The following FAM210A variants were observed in gnomAD, a reference collection of about 807,000 sequenced individuals.
The protein encoded by FAM210A is mitochondrial inner membrane scaffold 1.
In FAM210A, 13 loss-of-function variants were observed where a neutral mutation model predicts 25.3. The ratio of observed to expected loss-of-function variants is 0.51; its 90% CI spans 0.33 to 0.82. The LOEUF (loss-of-function observed/expected upper bound fraction) is 0.82. FAM210A is among the 40% of genes least tolerant of loss of function. The pLI is 0.02. For synonymous variants in FAM210A, 125 were observed against 118.7 expected (o/e 1.05, Z -0.35); for missense variants, 319 against 323.2 (o/e 0.99, Z 0.10).
In FAM210A at chr18:13,666,449, AG is replaced by A. The variant is rs1405175924; in HGVS notation, c.*30del. 6.4e-7 allele frequency: 1 copy of A among 1,567,146 alleles called. No homozygotes were observed. Among genetic ancestry groups the A allele is most frequent in the African/African-American group, 1.4e-5 (1 of 73,622 alleles). On this transcript the variant is annotated 3_prime_UTR_variant, in exon 4 of 4. Transcript: ENST00000651643. ...CATAGTTTCCAAAGGGTTAAAGTGC[AG>A]GAATTTTCTATACTGCTATATAAGG...
chr18:13,677,610 G>C (rs575407027), intron 2 of FAM210A, among the ~76,000 whole-genome samples: 1 of 152,218 alleles, frequency 6.6e-6, no homozygotes, highest in Non-Finnish European at 1.5e-5. Flanking sequence ...GTGTGGCGCC[G>C]GGCTGTCTGC....
At chr18:13,680,192 T>C (rs1031096712) in intron 2 of FAM210A, among the ~76,000 whole-genome samples, 2 of 152,242 alleles carry the variant, frequency 1.3e-5, no homozygotes, top group African/African-American at 2.4e-5. Context: ...ATTCATTACA[T>C]AGCAGGACTG....
chr18:13,712,486 T>C (rs1306829407), intron 1 of FAM210A, among the ~76,000 whole-genome samples: 1 of 152,198 alleles, frequency 6.6e-6, no homozygotes, highest in South Asian at 2.1e-4. Flanking sequence ...ACATAGGAAG[T>C]CCTAACCTCC....
intron 1 of FAM210A, among the ~76,000 whole-genome samples, chr18:13,685,874 A>G (rs943965440): frequency 5.3e-5 from 8 of 152,202 alleles, no homozygotes; most frequent in Admixed American, 2.0e-4. Context: ...TGCACATATT[A>G]GAAAAGAAGT....
chr18:13,695,144 C>G (rs1173728465), intron 1 of FAM210A, among the ~76,000 whole-genome samples: 1 of 152,160 alleles, frequency 6.6e-6, no homozygotes, highest in Non-Finnish European at 1.5e-5. Context: ...CAGAGAAATG[C>G]AAATCAAAAC....
intron 2 of FAM210A, among the ~76,000 whole-genome samples, chr18:13,673,013 A>C (rs919228489): frequency 2.0e-5 from 3 of 151,804 alleles, no homozygotes; most frequent in Non-Finnish European, 4.4e-5. Context: ...TTTTATTTCC[A>C]GTTTCCTGAT....
chr18:13,724,465 A>C (rs562482916), intron 1 of FAM210A, among the ~76,000 whole-genome samples: 6 of 152,348 alleles, frequency 3.9e-5, no homozygotes, highest in African/African-American at 1.4e-4. Flanking sequence ...AAATGAATAA[A>C]GCACTAACCT....
chr18:13,698,874 G>A (rs1488491463), intron 1 of FAM210A, among the ~76,000 whole-genome samples: 1 of 152,168 alleles, frequency 6.6e-6, no homozygotes, highest in Non-Finnish European at 1.5e-5. Context: ...GTGAGCACTG[G>A]CATTAAACTG....
chr18:13,689,936 C>T (rs781767213), intron 1 of FAM210A, among the ~76,000 whole-genome samples: 99 of 152,184 alleles, frequency 6.5e-4, no homozygotes, highest in Non-Finnish European at 1.2e-3. Flanking sequence ...ACAGTGGGTG[C>T]AGCCCACGGA....
chr18:13,673,692 C>CTTCA (rs1267116235), intron 2 of FAM210A, among the ~76,000 whole-genome samples: 1 of 143,608 alleles, frequency 7.0e-6, no homozygotes, highest in South Asian at 2.2e-4. Flanking sequence ...TGAGCCGTGA[C>CTTCA]TTATTTCCAG....
intron 1 of FAM210A, among the ~76,000 whole-genome samples, chr18:13,688,480 C>T (rs1406279438): frequency 6.6e-6 from 1 of 152,204 alleles, no homozygotes; most frequent in Non-Finnish European, 1.5e-5. Flanking sequence ...TCAGGCTGCC[C>T]TTCTCAGCCC....
intron 1 of FAM210A, among the ~76,000 whole-genome samples, chr18:13,725,297 A>G (rs2043930850): frequency 6.6e-6 from 1 of 152,160 alleles, no homozygotes; most frequent in Non-Finnish European, 1.5e-5. Flanking sequence ...CATTTCATAT[A>G]ATAACAAATA....
At chr18:13,688,805 C>T (rs1157924987) in intron 1 of FAM210A, among the ~76,000 whole-genome samples, 1 of 152,280 alleles carries the variant, frequency 6.6e-6, no homozygotes, top group African/African-American at 2.4e-5. Context: ...CACCTAGATG[C>T]TACCACATGG....
Position 13,726,419 on chromosome 18 carries a change from G to C in FAM210A, c.-119C>G. 6.5e-6 allele frequency: 1 copy of C among 152,684 alleles called. No homozygotes were observed. Among genetic ancestry groups the C allele is most frequent in the Non-Finnish European group, 1.5e-5 (1 of 68,364 alleles). The allele number at this position is 152,684 out of a possible 1,614,324, so 9.5% of individuals were successfully genotyped here. On this transcript the variant is annotated 5_prime_UTR_variant, in exon 1 of 4. Transcript: ENST00000651643. Reference sequence around the variant, plus strand: ...TGCCACGGCGGTGTCACTCAGCAGAGCAGCCCGACAAAGCGTGGGTCCGCG... The same window carrying C: ...TGCCACGGCGGTGTCACTCAGCAGACCAGCCCGACAAAGCGTGGGTCCGCG...
At chr18:13,694,544 G>A (rs930220928) in intron 1 of FAM210A, among the ~76,000 whole-genome samples, 3 of 152,134 alleles carry the variant, frequency 2.0e-5, no homozygotes, top group African/African-American at 7.2e-5. Context: ...ACAGAATAGA[G>A]CCCTTGGAAA....
At chr18:13,716,695 C>T (rs2043864491) in intron 1 of FAM210A, among the ~76,000 whole-genome samples, 1 of 152,098 alleles carries the variant, frequency 6.6e-6, no homozygotes, top group Non-Finnish European at 1.5e-5. Context: ...AGGGAGTTCT[C>T]ACGAGATCTG....
At chr18:13,716,624 C>T (rs1026848111) in intron 1 of FAM210A, among the ~76,000 whole-genome samples, 1 of 152,094 alleles carries the variant, frequency 6.6e-6, no homozygotes, top group Non-Finnish European at 1.5e-5. Context: ...ACGTGTTAAG[C>T]GATGGACCTG....
At chr18:13,696,658 T>G (rs1024870829) in intron 1 of FAM210A, among the ~76,000 whole-genome samples, 4 of 152,172 alleles carry the variant, frequency 2.6e-5, no homozygotes, top group African/African-American at 9.7e-5. Flanking sequence ...ATCCTGCCCC[T>G]GGGTAGGCCC....
chr18:13,725,584 C>G (rs1467698471), intron 1 of FAM210A, among the ~76,000 whole-genome samples: 1 of 152,194 alleles, frequency 6.6e-6, no homozygotes, highest in East Asian at 1.9e-4. Flanking sequence ...GATTGTAAAT[C>G]TGATCAGTTT....
Sources: gnomAD v4.1 joint callset for allele counts (sites outside exome capture counted in the v4.1 genomes callset) on GRCh38, gnomAD v4.1.1 for gene constraint, MANE v1.5 for transcripts, NCBI Gene and HGNC (gene_info 2026-07-23, HGNC 2026-07-21) for gene names.